Variants in CLNK observed in about 807,000 individuals in gnomAD.
The protein encoded by CLNK is cytokine dependent hematopoietic cell linker, also known as cytokine-dependent hematopoietic cell linker.
In CLNK, 74 loss-of-function variants were observed where a neutral mutation model predicts 68.6. The observed-to-expected ratio is 1.08, with a 90% confidence interval of 0.89 to 1.31. The LOEUF is 1.31. Among genes scored for constraint, CLNK ranks in the 50% most tolerant of loss-of-function variants. CLNK has a pLI of 0.00. For missense variants in CLNK, 553 were observed against 515.3 expected, an observed-to-expected ratio of 1.07 and a Z score of -0.71; for synonymous variants, 198 against 172.2, an observed-to-expected ratio of 1.15 and a Z score of -1.17.
chr4:10,698,655 A>T, the CLNK span, among the ~76,000 whole-genome samples: 1 of 152,194 alleles, frequency 6.6e-6, no homozygotes, highest in Non-Finnish European at 1.5e-5. Context: ...CTTCAAGGAA[A>T]GGTCAGGGAA....
At chr4:10,606,401 G>T (rs1349907926) in intron 2 of CLNK, among the ~76,000 whole-genome samples, 3 of 151,468 alleles carry the variant, frequency 2.0e-5, no homozygotes, top group Non-Finnish European at 4.4e-5. Flanking sequence ...CCCTCCTCAA[G>T]AACCTGCCTG....
intron 4 of CLNK, 145 bp from the exon 5 acceptor site, chr4:10,571,923 A>G: frequency 4.8e-6 from 3 of 621,734 alleles, no homozygotes; most frequent in Admixed American, 2.9e-5. Context: ...ACTAAAGTGC[A>G]TTTTTCTTTA....
chr4:10,697,853 T>A, the CLNK span, among the ~76,000 whole-genome samples: 5 of 152,164 alleles, frequency 3.3e-5, no homozygotes, highest in African/African-American at 1.2e-4. Context: ...CTTTTTTGAA[T>A]TGTGAGAATA....
At position 10,665,662 on chromosome 4, in the gene CLNK, C is replaced by CAAAAA. The variant is rs57998581; in HGVS notation, c.11+2192_11+2196dup. On this transcript the variant is annotated intron_variant, in intron 2 of 18. Coordinates refer to ENST00000226951, the MANE Select transcript of CLNK (RefSeq NM_052964.4). ...CTGGTGACAGAGCAAGACTTCGTCT[C>CAAAAA]AAAAAAAAAAAAAAAAAAAAAGGCA... Among the ~76,000 whole-genome samples the CAAAAA allele has an allele frequency of 1.1e-4, 7 of 62,854 alleles. 1 individual carries two copies. Among genetic ancestry groups the CAAAAA allele is most frequent in the East Asian group, 6.5e-4 (1 of 1,538 alleles). The allele number at this position is 62,854 out of a possible 152,430, so 41.2% of individuals were successfully genotyped here.
chr4:10,560,848 A>G (rs890569164), intron 7 of CLNK, among the ~76,000 whole-genome samples: 1 of 152,162 alleles, frequency 6.6e-6, no homozygotes, highest in African/African-American at 2.4e-5. Flanking sequence ...TCTGCTTGCC[A>G]TAAATACTTG....
At chr4:10,562,902 G>A (rs1179079402) in intron 7 of CLNK, among the ~76,000 whole-genome samples, 2 of 152,168 alleles carry the variant, frequency 1.3e-5, no homozygotes, top group African/African-American at 4.8e-5. Context: ...ACAGGGAATT[G>A]GTGGTTCACG....
chr4:10,591,592 G>A (rs1721179450), intron 3 of CLNK, among the ~76,000 whole-genome samples: 1 of 152,192 alleles, frequency 6.6e-6, no homozygotes. Context: ...AGTGAGACGG[G>A]CCAGAGATAC....
chr4:10,560,826 T>TA lies in CLNK; in HGVS notation c.400-2375dup, dbSNP rs1300993092. On this transcript the variant is annotated intron_variant, in intron 7 of 18. Coordinates refer to ENST00000226951, the MANE Select transcript of CLNK (RefSeq NM_052964.4). The stretch of plus-strand genomic sequence containing the variant: ...TCAACTCCTAGGAATGAGATTGTCA[T>TA]AAAAAAGATAATCTGCTTGCCATAA... Among the ~76,000 whole-genome samples, 6 of 152,278 alleles carry TA rather than the reference T, an allele frequency of 3.9e-5. No homozygotes were observed. The East Asian group carries it at 1.2e-3, about 29-fold the overall frequency.
chr4:10,703,095 A>G, the CLNK span, among the ~76,000 whole-genome samples: 1 of 152,170 alleles, frequency 6.6e-6, no homozygotes, highest in Non-Finnish European at 1.5e-5. Flanking sequence ...CTGATCAATT[A>G]GATGTAGTAT....
intron 2 of CLNK, among the ~76,000 whole-genome samples, chr4:10,637,002 C>G (rs981828815): frequency 1.3e-5 from 2 of 152,192 alleles, no homozygotes; most frequent in African/African-American, 4.8e-5. Flanking sequence ...CACTATGGCT[C>G]TGTGCACACA....
At chr4:10,502,150 C>A (rs1717082166) in intron 17 of CLNK, among the ~76,000 whole-genome samples, 1 of 152,162 alleles carries the variant, frequency 6.6e-6, no homozygotes, top group Non-Finnish European at 1.5e-5. Flanking sequence ...TCTGTTTTCA[C>A]ACTTCTATAA....
At chr4:10,576,462 A>G (rs1486919448) in intron 4 of CLNK, among the ~76,000 whole-genome samples, 1 of 152,182 alleles carries the variant, frequency 6.6e-6, no homozygotes, top group East Asian at 1.9e-4. Flanking sequence ...TTTTTGCAAG[A>G]AACAATGTCC....
chr4:10,568,477 TA>T (rs1720211720), intron 5 of CLNK, among the ~76,000 whole-genome samples: 1 of 152,230 alleles, frequency 6.6e-6, no homozygotes, highest in Admixed American at 6.5e-5. Context: ...CATTAAATTG[TA>T]CTCATAAAAT....
rs1716497730 is a variant in CLNK at position 10,489,977 on chromosome 4, G to C, written c.*490C>G. 6.5e-6 allele frequency: 1 copy of C among 153,630 alleles called. No homozygotes were observed. Among genetic ancestry groups the C allele is most frequent in the Non-Finnish European group, 1.4e-5 (1 of 69,276 alleles). The allele number at this position is 153,630 out of a possible 1,614,324, so 9.5% of individuals were successfully genotyped here. ...CACCGCACCCAGCCCAGCATCTTTA[G>C]TGTAAGAAATCATCCACACATTGTA... is the stretch of plus-strand genomic sequence containing the variant. On this transcript the variant is annotated 3_prime_UTR_variant, in exon 19 of 19. Transcript: ENST00000226951.
chr4:10,539,789 T>C (rs576172879), intron 11 of CLNK, among the ~76,000 whole-genome samples: 12 of 152,222 alleles, frequency 7.9e-5, no homozygotes, highest in Non-Finnish European at 1.5e-4. Context: ...GTTATATTTC[T>C]CCAGCCTGGG....
chr4:10,550,046 C>G (rs1454621975), intron 8 of CLNK, among the ~76,000 whole-genome samples: 1 of 152,200 alleles, frequency 6.6e-6, no homozygotes, highest in Non-Finnish European at 1.5e-5. Context: ...TTGTCAATAT[C>G]ACCGTGTTCT....
intron 2 of CLNK, among the ~76,000 whole-genome samples, chr4:10,602,510 C>G (rs563525063): frequency 8.5e-5 from 13 of 152,210 alleles, no homozygotes; most frequent in East Asian, 7.7e-4. Context: ...GATGTTGTCA[C>G]AAATCAAGGA....
At chr4:10,598,333 C>T (rs1018606031) in intron 2 of CLNK, among the ~76,000 whole-genome samples, 9 of 152,312 alleles carry the variant, frequency 5.9e-5, no homozygotes, top group Admixed American at 1.3e-4. Context: ...GGCTGCCTCT[C>T]CCTCATCAAC....
chr4:10,525,850 G>A lies in CLNK; in HGVS notation c.722C>T (p.Ala241Val). The A allele has an allele frequency of 6.3e-7, 1 of 1,578,868 alleles. No homozygotes were observed. Residue 241 changes from alanine to valine, a missense_variant, in exon 14 of 19, where the codon GCC (alanine) becomes GTC (valine). Physicochemically the swap from Ala to Val is moderately conservative, Grantham distance 64 (BLOSUM62 0). Transcript: ENST00000226951. Reference protein sequence around the residue: ...ENQNTQEIPLAISSSSFTTSN... With the variant: ...ENQNTQEIPLVISSSSFTTSN... ...ATTCCTGGCTCCTTACCTGCTAATG[G>A]CAAGTGGAATCTCTTGAGTATTTTG...
Sources: allele counts gnomAD v4.1 joint callset (sites outside exome capture counted in the v4.1 genomes callset), GRCh38; gene constraint gnomAD v4.1.1; transcripts MANE v1.5; gene names NCBI Gene and HGNC (gene_info 2026-07-23, HGNC 2026-07-21).